Variants in RFX7 observed in about 807,000 individuals in gnomAD.
RFX7 encodes the protein DNA-binding protein RFX7.
In RFX7, 26 loss-of-function variants were observed where a neutral mutation model predicts 111.8. That is an observed-to-expected ratio of 0.23 (90% CI 0.17 to 0.32). The LOEUF is 0.32. RFX7 is among the 10% of genes least tolerant of loss of function. RFX7 has a pLI of 1.00. For synonymous variants in RFX7, 624 were observed against 624.4 expected (o/e 1.00, Z 0.01); for missense variants, 1,573 against 1,772.9 (o/e 0.89, Z 2.02).
intron 2 of RFX7, among the ~76,000 whole-genome samples, chr15:56,221,004 T>A (rs1303028176): frequency 2.6e-5 from 4 of 152,352 alleles, no homozygotes; most frequent in East Asian, 1.9e-4. Context: ...TATGGCTTTA[T>A]GTCTTGACTC....
At chr15:56,179,324 G>C (rs577729071) in intron 2 of RFX7, 21 bp from the exon 3 acceptor site, 1 of 1,236,742 alleles carries the variant, frequency 8.1e-7, no homozygotes, top group African/African-American at 1.6e-5. Flanking sequence ...GAGAAAGTTA[G>C]GTTAGTAAAA....
intron 7 of RFX7, among the ~76,000 whole-genome samples, 174 bp from the exon 8 acceptor site, chr15:56,101,740 C>T (rs1350032591): frequency 6.6e-6 from 1 of 152,036 alleles, no homozygotes; most frequent in African/African-American, 2.4e-5. Context: ...GGACTCATAC[C>T]CACTAGTGCA....
intron 5 of RFX7, among the ~76,000 whole-genome samples, chr15:56,128,350 T>G (rs1003987283): frequency 6.6e-6 from 1 of 152,132 alleles, no homozygotes; most frequent in South Asian, 2.1e-4. Context: ...ACTGACAAAC[T>G]GAAACTAGCT....
At position 56,094,715 on chromosome 15, in the gene RFX7, G is replaced by C; in HGVS notation, c.3013C>G (p.Pro1005Ala). ...ACACTACTGCTGCAGTTAGAATGTG[G>C]AGTACCAATGGGTGTATGTCGGCTA... Reference protein sequence around the residue: ...GSSRHTPIGTPHSNCSSSVPP... With the variant: ...GSSRHTPIGTAHSNCSSSVPP... Residue 1005 changes from proline (P) to alanine (A), a missense_variant, in exon 10 of 10, where the codon CCA becomes GCA. By Grantham distance (27) the Pro-to-Ala change is conservative. Coordinates refer to ENST00000559447, the MANE Select transcript of RFX7 (RefSeq NM_022841.7). The C allele has an allele frequency of 6.2e-7, 1 of 1,613,930 alleles. No individual in the cohort carries two copies. Among genetic ancestry groups the C allele is most frequent in the Non-Finnish European group, 8.5e-7 (1 of 1,179,872 alleles).
At chr15:56,222,826 T>C (rs957023564) in intron 2 of RFX7, among the ~76,000 whole-genome samples, 1 of 152,208 alleles carries the variant, frequency 6.6e-6, no homozygotes, top group Non-Finnish European at 1.5e-5. Flanking sequence ...TTTTTCCCTA[T>C]AGTTCCCTGC....
At chr15:56,199,926 G>A (rs1226800557) in intron 2 of RFX7, among the ~76,000 whole-genome samples, 2 of 152,100 alleles carry the variant, frequency 1.3e-5, no homozygotes, top group African/African-American at 2.4e-5. Flanking sequence ...GATAAAAAAT[G>A]ACTTGTACAA....
At chr15:56,198,454 A>C (rs918116160) in intron 2 of RFX7, among the ~76,000 whole-genome samples, 2 of 152,166 alleles carry the variant, frequency 1.3e-5, no homozygotes, top group Admixed American at 1.3e-4. Flanking sequence ...CCACCTACAA[A>C]GTATTCTTGC....
chr15:56,205,878 C>A (rs1596008298), intron 2 of RFX7, among the ~76,000 whole-genome samples: 1 of 152,112 alleles, frequency 6.6e-6, no homozygotes, highest in Non-Finnish European at 1.5e-5. Context: ...AGAGATACCA[C>A]CCCACATCCA....
chr15:56,160,564 G>C (rs556108177), intron 3 of RFX7, among the ~76,000 whole-genome samples: 4 of 152,060 alleles, frequency 2.6e-5, no homozygotes, highest in Admixed American at 2.6e-4. Context: ...CCCCCCTCAA[G>C]CGACACTGAT....
intron 5 of RFX7, among the ~76,000 whole-genome samples, chr15:56,109,035 CCCTCTCCCACTCCCTCTG>C (rs1207042206): frequency 1.3e-5 from 2 of 151,276 alleles, no homozygotes; most frequent in South Asian, 2.1e-4. Flanking sequence ...CTCTCCCTCT[CCCTCTCCCACTCCCTCTG>C]CCTCTCCCTC....
Position 56,098,137 on chromosome 15 carries a change from T to G in RFX7, c.1051A>C (p.Ile351Leu). 6.2e-7 allele frequency: 1 copy of G among 1,613,902 alleles called. No homozygotes were observed. The highest frequency in any genetic ancestry group is 8.5e-7 in the Non-Finnish European group (1 of 1,179,830). Residue 351 changes from isoleucine (I) to leucine (L), a missense_variant, in exon 9 of 10, where the codon ATC (isoleucine) becomes CTC (leucine). Physicochemically the swap from Ile to Leu is conservative, Grantham distance 5. Coordinates refer to ENST00000559447, the MANE Select transcript of RFX7 (RefSeq NM_022841.7). ...VTNLPNGNPS[I>L]LSPQPIGIVV... Reference sequence around the variant, plus strand: ...ATACCAATAGGTTGAGGAGAAAGGATTGAAGGATTTCCATTAGGAAGATTA... The same window carrying G: ...ATACCAATAGGTTGAGGAGAAAGGAGTGAAGGATTTCCATTAGGAAGATTA...
intron 7 of RFX7, 149 bp from the exon 8 acceptor site, chr15:56,101,715 A>G (rs1235554905): frequency 4.2e-6 from 3 of 721,164 alleles, no homozygotes; most frequent in Non-Finnish European, 6.8e-6. Context: ...GACATATAAG[A>G]GCTTTGCAAA....
intron 2 of RFX7, among the ~76,000 whole-genome samples, chr15:56,182,300 CAG>C (rs1173090717): frequency 5.3e-5 from 8 of 151,934 alleles, no homozygotes; most frequent in Non-Finnish European, 1.2e-4. Flanking sequence ...TTTTAAAGGA[CAG>C]AGTTATAAAG....
chr15:56,089,134 GC>G lies in RFX7; in HGVS notation c.*4210del. ...TATAAAGCATTAATTAAGGATCTAA[GC>G]TAAGTAATTGGCCTTAGGATGAGCC... On this transcript the variant is annotated 3_prime_UTR_variant, in exon 10 of 10. Coordinates refer to ENST00000559447, the MANE Select transcript of RFX7 (RefSeq NM_022841.7). The G allele has an allele frequency of 6.6e-6, 1 of 152,354 alleles. No individual in the cohort carries two copies. Among genetic ancestry groups the G allele is most frequent in the South Asian group, 2.1e-4 (1 of 4,832 alleles). 9.4% of individuals were successfully genotyped at this position (152,354 alleles called of 1,614,324 possible). A position where few individuals can be genotyped will look rare whatever the true frequency, so the allele number is the denominator to read the frequency against.
Position 56,094,578 on chromosome 15 carries a change from T to C in RFX7, c.3150A>G (p.Gln1050=), listed in dbSNP as rs2041644960. Residue 1050 remains glutamine, a synonymous_variant, in exon 10 of 10, where the codon CAA becomes CAG. Coordinates refer to ENST00000559447, the MANE Select transcript of RFX7 (RefSeq NM_022841.7). ...IVSSSPVKPM[Q]RPMATHPDKT... ...TGTCAGGGTGTGTGGCCATGGGTCT[T>C]TGCATCGGTTTCACAGGACTACTTG... 1 of 1,613,868 alleles carries C rather than the reference T, an allele frequency of 6.2e-7. No individual in the cohort carries two copies. The highest frequency in any genetic ancestry group is 1.3e-5 in the African/African-American group (1 of 74,924).
intron 3 of RFX7, among the ~76,000 whole-genome samples, chr15:56,145,313 G>C (rs945702464): frequency 6.6e-6 from 1 of 152,172 alleles, no homozygotes; most frequent in African/African-American, 2.4e-5. Context: ...AATGTGGACA[G>C]ATTACTGGCA....
intron 3 of RFX7, among the ~76,000 whole-genome samples, chr15:56,171,657 G>C (rs1323781557): frequency 6.6e-6 from 1 of 152,146 alleles, no homozygotes; most frequent in African/African-American, 2.4e-5. Flanking sequence ...CTGGCACACA[G>C]AAGTCTAAAA....
At chr15:56,114,887 T>G (rs1261007825) in intron 5 of RFX7, among the ~76,000 whole-genome samples, 1 of 152,234 alleles carries the variant, frequency 6.6e-6, no homozygotes, top group Non-Finnish European at 1.5e-5. Context: ...TGAAGTCATC[T>G]GATAAATCCT....
upstream of RFX7, among the ~76,000 whole-genome samples, chr15:56,244,482 C>T (rs527487027): frequency 1.3e-5 from 2 of 152,238 alleles, no homozygotes; most frequent in East Asian, 3.9e-4. Context: ...TGCAAGAACT[C>T]CCGGCTCCAA....
Sources: gnomAD v4.1 joint callset for allele counts (sites outside exome capture counted in the v4.1 genomes callset) on GRCh38, gnomAD v4.1.1 for gene constraint, MANE v1.5 for transcripts, NCBI Gene and HGNC (gene_info 2026-07-23, HGNC 2026-07-21) for gene names.